Variants in PNPLA7 observed in about 807,000 individuals in gnomAD.
The protein encoded by PNPLA7 is patatin-like phospholipase domain-containing protein 7.
In PNPLA7, 153 loss-of-function variants were observed where a neutral mutation model predicts 161.7. The observed-to-expected ratio is 0.95, with a 90% CI of 0.83 to 1.08. The LOEUF (loss-of-function observed/expected upper bound fraction) is 1.08. Among genes scored for constraint, PNPLA7 ranks in the 50% least tolerant of loss-of-function variants. The probability of loss-of-function intolerance (pLI) is 0.00; values close to 1 mark genes in which losing one functional copy is unlikely to be tolerated. For synonymous variants in PNPLA7, 809 were observed against 782.1 expected (o/e 1.03, Z -0.57); for missense variants, 1,739 against 1,856.6 (o/e 0.94, Z 1.16).
intron 21 of PNPLA7, 101 bp from the exon 22 acceptor site, chr9:137,481,124 C>T (rs1832199430): frequency 7.8e-7 from 1 of 1,275,002 alleles, no homozygotes; most frequent in Admixed American, 2.0e-5. Flanking sequence ...GAGCCAGGCA[C>T]CGACGCCCAG....
Position 137,500,893 on chromosome 9 carries a change from C to A in PNPLA7, c.1555G>T (p.Ala519Ser). Residue 519 changes from alanine (A) to serine (S), a missense_variant, in exon 16 of 35, where the codon GCC becomes TCC. Physicochemically the swap from Ala to Ser is moderately conservative, Grantham distance 99. Around this residue, in one of 6 missense-constraint regions of PNPLA7, gnomAD observed 481 missense variants for 450.0 expected, o/e 1.07. Transcript: ENST00000406427. This position sits in a 1 kb window ranked among gnomAD's most constrained non-coding sequence, Gnocchi z 5.5. Reference sequence around the variant, plus strand: ...CCCGAGACCACGAACAGGATGCTGGCGTCCTGACACACGAGAGGGCTCAGG... The same window carrying A: ...CCCGAGACCACGAACAGGATGCTGGAGTCCTGACACACGAGAGGGCTCAGG... Reference protein sequence around the residue: ...TVVSRQGDQDASILFVVSGLL... With the variant: ...TVVSRQGDQDSSILFVVSGLL... 1 of 1,564,578 alleles carries A rather than the reference C, an allele frequency of 6.4e-7. No homozygotes were observed. The highest frequency in any genetic ancestry group is 2.3e-5 in the East Asian group (1 of 42,980).
intron 25 of PNPLA7, among the ~76,000 whole-genome samples, chr9:137,469,682 C>T (rs1831627246): frequency 6.6e-6 from 1 of 151,984 alleles, no homozygotes; most frequent in African/African-American, 2.4e-5. Flanking sequence ...TAAAATTAAG[C>T]AAATAACAAA....
chr9:137,538,416 G>A (rs772255271), intron 8 of PNPLA7, among the ~76,000 whole-genome samples: 65 of 152,292 alleles, frequency 4.3e-4, no homozygotes, highest in Admixed American at 2.0e-4. Flanking sequence ...CGTCCTTTCC[G>A]AGCAGAGGAA....
At chr9:137,471,027 C>T (rs902122569) in intron 25 of PNPLA7, among the ~76,000 whole-genome samples, 1 of 152,228 alleles carries the variant, frequency 6.6e-6, no homozygotes, top group South Asian at 2.1e-4. Context: ...TGGGTGTCTG[C>T]GCCCACCACG....
In PNPLA7 at chr9:137,537,519, G is replaced by A. The variant is rs369423489; in HGVS notation, c.747+3123C>T. Among the ~76,000 whole-genome samples, 3 of 152,236 alleles carry A rather than the reference G, an allele frequency of 2.0e-5. No homozygotes were observed. Among genetic ancestry groups the A allele is most frequent in the East Asian group, 3.9e-4 (2 of 5,180 alleles). On this transcript the variant is annotated intron_variant, in intron 8 of 34. Coordinates refer to ENST00000406427, the MANE Select transcript of PNPLA7 (RefSeq NM_001098537.3). The surrounding 1 kb of genome is among the most constrained non-coding windows in gnomAD (Gnocchi z 4.5). ...TTTTAGTAGGGATGGGTTTCACCATGTTGGCCAGGATGGTCTCGATCTCCT... is the reference window on the plus strand; with the variant it reads ...TTTTAGTAGGGATGGGTTTCACCATATTGGCCAGGATGGTCTCGATCTCCT...
chr9:137,479,361 A>G, intron 23 of PNPLA7, 123 bp from the exon 24 acceptor site: 1 of 1,357,762 alleles, frequency 7.4e-7, no homozygotes, highest in Non-Finnish European at 9.5e-7. Context: ...GGGTTCTGCA[A>G]AGCAACTTGG....
In PNPLA7 at chr9:137,462,340, G is replaced by A. The variant is rs763550857; in HGVS notation, c.3493-9C>T. On this transcript the variant is annotated splice_polypyrimidine_tract_variant and intron_variant, in intron 30 of 34. Transcript: ENST00000406427. ...TCTGCCATGTTCAACACCTGCTGCC[G>A]TCACAGCCGCCTGAGTCTCCTGCCC... The A allele has an allele frequency of 1.4e-5, 22 of 1,589,520 alleles. No homozygotes were observed. The Admixed American group carries it at 3.1e-4, about 23-fold the overall frequency.
rs552590036 is a variant in PNPLA7, at chr9:137,523,446, C to A, written c.748-589G>T. Among the ~76,000 whole-genome samples, 4 of 152,266 alleles carry A rather than the reference C, an allele frequency of 2.6e-5. No homozygotes were observed. The highest frequency in any genetic ancestry group is 2.6e-4 in the Admixed American group (4 of 15,292). On this transcript the variant is annotated intron_variant, in intron 8 of 34. Transcript: ENST00000406427. The surrounding 1 kb of genome is among the most constrained non-coding windows in gnomAD (Gnocchi z 4.4). ...AGCTCCACACGGCCAAGGAAAGAGC[C>A]CAGGAAAAGCCCCAGTGAGTGACGT... is the stretch of plus-strand genomic sequence containing the variant.
intron 19 of PNPLA7, among the ~76,000 whole-genome samples, chr9:137,493,518 G>A (rs539757379): frequency 3.3e-5 from 5 of 152,330 alleles, no homozygotes; most frequent in East Asian, 1.9e-4. Flanking sequence ...TTCAGGGCAC[G>A]GTTGGGGACA....
chr9:137,503,746 A>AGG (rs1833665439), intron 14 of PNPLA7, among the ~76,000 whole-genome samples: 1 of 133,746 alleles, frequency 7.5e-6, no homozygotes, highest in Non-Finnish European at 1.6e-5. Context: ...GGAAGGAAGA[A>AGG]GAAGAAAGAA....
At position 137,499,578 on chromosome 9, in the gene PNPLA7, C is replaced by G. The variant is rs1191220556; in HGVS notation, c.1757+1113G>C. 1.3e-5 allele frequency among the ~76,000 whole-genome samples: 2 copies of G among 152,210 alleles called. No individual in the cohort carries two copies. Among genetic ancestry groups the G allele is most frequent in the African/African-American group, 2.4e-5 (1 of 41,456 alleles). On this transcript the variant is annotated intron_variant, in intron 16 of 34. Coordinates refer to ENST00000406427, the MANE Select transcript of PNPLA7 (RefSeq NM_001098537.3). This position sits in a 1 kb window ranked among gnomAD's most constrained non-coding sequence, Gnocchi z 5.5. ...CTTGGAGCCTCAGTCTCCCCATCAG[C>G]ACGCTGCGGTGTCAGGGCACCCGGC... is the stretch of plus-strand genomic sequence containing the variant.
chr9:137,461,954 G>A lies in PNPLA7; in HGVS notation c.3733C>T (p.Pro1245Ser), dbSNP rs756717264. 100 of 1,589,182 alleles carry A rather than the reference G, an allele frequency of 6.3e-5. No homozygotes were observed. The highest frequency in any genetic ancestry group is 8.2e-5 in the Non-Finnish European group (96 of 1,172,190). ...ACCGCACTCGCGGGCTTCTTGCTCG[G>A]CCCCTGCTGGTCGCGGAGCATCTTC... Reference protein sequence around the residue: ...LEKMLRDQQGPSKKPASAVLT... With the variant: ...LEKMLRDQQGSSKKPASAVLT... Residue 1245 changes from proline (P) to serine (S), a missense_variant, in exon 32 of 35, where the codon CCG becomes TCG. Around this residue, in one of 6 missense-constraint regions of PNPLA7, gnomAD observed 703 missense variants for 694.6 expected, o/e 1.01. Transcript: ENST00000406427.
At chr9:137,497,813 C>G (rs1464155045) in intron 17 of PNPLA7, among the ~76,000 whole-genome samples, 1 of 152,272 alleles carries the variant, frequency 6.6e-6, no homozygotes, top group African/African-American at 2.4e-5. Context: ...ACGCGTGAGC[C>G]ACCACGCCCA....
intron 25 of PNPLA7, among the ~76,000 whole-genome samples, chr9:137,474,370 G>A (rs538498892): frequency 3.1e-4 from 47 of 152,320 alleles, no homozygotes; most frequent in African/African-American, 7.9e-4. Context: ...AAGCTGGCCC[G>A]GCACTGCCAC....
At chr9:137,532,791 C>T (rs897557237) in intron 8 of PNPLA7, among the ~76,000 whole-genome samples, 1 of 152,176 alleles carries the variant, frequency 6.6e-6, no homozygotes, top group African/African-American at 2.4e-5. Context: ...TGGCTTTTCC[C>T]CGTGGCCAGA....
chr9:137,495,170 G>A (rs1172934726), intron 18 of PNPLA7, 24 bp from the exon 19 acceptor site: 5 of 1,559,818 alleles, frequency 3.2e-6, no homozygotes, highest in Non-Finnish European at 4.4e-6. Context: ...CCGGCTGCTG[G>A]GGCCGCGGGC....
At chr9:137,505,567 C>T (rs1375936983) in intron 14 of PNPLA7, 47 bp downstream of exon 14, 3 of 1,603,674 alleles carry the variant, frequency 1.9e-6, no homozygotes, top group Non-Finnish European at 2.6e-6. Context: ...GAGGAGGCCA[C>T]GGGCCCTGGG....
Position 137,544,799 on chromosome 9 carries a change from G to A in PNPLA7, c.274-984C>T, listed in dbSNP as rs1307146809. Among the ~76,000 whole-genome samples the A allele has an allele frequency of 2.6e-5, 4 of 151,996 alleles. No individual in the cohort carries two copies. The South Asian group carries it at 6.2e-4, about 24-fold the overall frequency. On this transcript the variant is annotated intron_variant, in intron 4 of 34. Transcript: ENST00000406427. ...CGAGTAGTTGGGATTACAGGCGCCC[G>A]CCACAAAGCCCAGCTAATTTTTGTA...
chr9:137,514,711 G>A (rs1242533013), intron 12 of PNPLA7, among the ~76,000 whole-genome samples: 3 of 139,616 alleles, frequency 2.1e-5, no homozygotes, highest in African/African-American at 5.6e-5. Flanking sequence ...TGATGTGCCC[G>A]GGCCCTGTGG....
Sources: gnomAD v4.1 joint callset for allele counts (sites outside exome capture counted in the v4.1 genomes callset) on GRCh38, gnomAD v4.1.1 for gene constraint, gnomAD v4.1.1 regional missense constraint, Gnocchi (gnomAD v3.1) non-coding constraint, MANE v1.5 for transcripts, NCBI Gene and HGNC (gene_info 2026-07-23, HGNC 2026-07-21) for gene names.